JAKMIP2: variants seen among roughly 807,000 people sequenced by gnomAD.
The protein encoded by JAKMIP2 is janus kinase and microtubule interacting protein 2.
Under a neutral mutation model 115.0 loss-of-function variants are expected in JAKMIP2, and 25 were observed. The ratio of observed to expected loss-of-function variants is 0.22; its 90% CI spans 0.16 to 0.30. The LOEUF (loss-of-function observed/expected upper bound fraction) is 0.30, where lower values mean the gene tolerates loss of function less well. JAKMIP2 is among the 10% of genes least tolerant of loss of function. The pLI, the probability that JAKMIP2 is intolerant of heterozygous loss-of-function variation, is 1.00. For synonymous variants in JAKMIP2, 334 were observed against 343.6 expected (o/e 0.97, Z 0.31); for missense variants, 642 against 957.6 (o/e 0.67, Z 4.35).
At chr5:147,594,119 A>C (rs933243002) in intron 21 of JAKMIP2, among the ~76,000 whole-genome samples, 2 of 152,298 alleles carry the variant, frequency 1.3e-5, no homozygotes, top group South Asian at 2.1e-4. Flanking sequence ...TGGAATGTTA[A>C]GTTTCTATGA....
At chr5:147,763,465 ACT>A (rs1446575052) in intron 1 of JAKMIP2, among the ~76,000 whole-genome samples, 2 of 151,988 alleles carry the variant, frequency 1.3e-5, no homozygotes, top group African/African-American at 2.4e-5. Flanking sequence ...TTCATAAATA[ACT>A]CTGTTCTGCT....
At chr5:147,753,253 A>G (rs1244211086) in intron 1 of JAKMIP2, among the ~76,000 whole-genome samples, 1 of 152,258 alleles carries the variant, frequency 6.6e-6, no homozygotes, top group African/African-American at 2.4e-5. Flanking sequence ...TTACAATGGC[A>G]TCAGGAACTG....
In JAKMIP2 at chr5:147,650,451, C is replaced by T. The variant is rs1415478761; in HGVS notation, c.724G>A (p.Glu242Lys). Residue 242 changes from glutamate (E) to lysine (K), a missense_variant, in exon 4 of 22, where the codon GAG becomes AAG. By Grantham distance (56) the Glu-to-Lys change is moderately conservative (BLOSUM62 1). Around this residue, in one of 6 missense-constraint regions of JAKMIP2, gnomAD observed 439 missense variants for 570.9 expected, o/e 0.77. Coordinates refer to ENST00000616793, the MANE Select transcript of JAKMIP2 (RefSeq NM_001270941.2). ...AGAAAGAGTTGTTCGTCCAAAGCCTCCTTCTGAAGTTGGAGTTTCTGTACA... is the reference window on the plus strand; with the variant it reads ...AGAAAGAGTTGTTCGTCCAAAGCCTTCTTCTGAAGTTGGAGTTTCTGTACA... Reference protein sequence around the residue: ...GYVQKLQLQKEALDEQLFLVK... With the variant: ...GYVQKLQLQKKALDEQLFLVK... 6.2e-7 allele frequency: 1 copy of T among 1,613,870 alleles called. No homozygotes were observed. Among genetic ancestry groups the T allele is most frequent in the South Asian group, 1.1e-5 (1 of 91,076 alleles).
intron 1 of JAKMIP2, among the ~76,000 whole-genome samples, chr5:147,701,664 A>C (rs1182235337): frequency 6.6e-6 from 1 of 152,188 alleles, no homozygotes; most frequent in African/African-American, 2.4e-5. Flanking sequence ...TCCTTCACAC[A>C]GCACCAAATT....
At chr5:147,593,632 C>G (rs1490056177) in intron 21 of JAKMIP2, among the ~76,000 whole-genome samples, 2 of 152,078 alleles carry the variant, frequency 1.3e-5, no homozygotes, top group African/African-American at 4.8e-5. Flanking sequence ...TTTAAACTGG[C>G]TTAAGACTTT....
intron 21 of JAKMIP2, among the ~76,000 whole-genome samples, chr5:147,599,431 T>C (rs1027462098): frequency 6.6e-6 from 1 of 152,250 alleles, no homozygotes; most frequent in African/African-American, 2.4e-5. Context: ...TCAGCCATTT[T>C]ACTGCATATG....
At chr5:147,673,517 G>A (rs892296482) in intron 1 of JAKMIP2, among the ~76,000 whole-genome samples, 1 of 152,110 alleles carries the variant, frequency 6.6e-6, no homozygotes, top group African/African-American at 2.4e-5. Flanking sequence ...TGTCCCTGGG[G>A]GAAGGGGGCA....
At chr5:147,638,357 T>C (rs1349787171) in intron 10 of JAKMIP2, among the ~76,000 whole-genome samples, 2 of 152,100 alleles carry the variant, frequency 1.3e-5, no homozygotes, top group Non-Finnish European at 2.9e-5. Context: ...GTCTCCTTTT[T>C]TTGGAGGAAT....
chr5:147,687,399 C>T (rs1388387283), intron 1 of JAKMIP2, among the ~76,000 whole-genome samples: 7 of 152,106 alleles, frequency 4.6e-5, no homozygotes, highest in African/African-American at 1.7e-4. Flanking sequence ...GAGAAGCAAA[C>T]GAGGCACTAC....
At chr5:147,613,024 A>T (rs1171026469) in intron 19 of JAKMIP2, among the ~76,000 whole-genome samples, 1 of 152,226 alleles carries the variant, frequency 6.6e-6, no homozygotes, top group Non-Finnish European at 1.5e-5. Context: ...GAACTGGTAA[A>T]TTAGGAAAAC....
intron 1 of JAKMIP2, among the ~76,000 whole-genome samples, chr5:147,721,687 A>T (rs1393377877): frequency 6.6e-6 from 1 of 152,114 alleles, no homozygotes; most frequent in East Asian, 1.9e-4. Flanking sequence ...CAAGTGAGGC[A>T]ATGCCTCTCC....
intron 1 of JAKMIP2, among the ~76,000 whole-genome samples, chr5:147,738,283 A>G (rs1490087880): frequency 6.6e-6 from 1 of 152,188 alleles, no homozygotes; most frequent in African/African-American, 2.4e-5. Flanking sequence ...AGCCCCATAT[A>G]AACTCCACAT....
chr5:147,684,455 T>C (rs1193571945), intron 1 of JAKMIP2, among the ~76,000 whole-genome samples: 1 of 152,080 alleles, frequency 6.6e-6, no homozygotes, highest in African/African-American at 2.4e-5. Flanking sequence ...AATAAATAGA[T>C]GACTTCACCA....
intron 1 of JAKMIP2, among the ~76,000 whole-genome samples, chr5:147,693,656 TA>T (rs145331000): frequency 0.089 from 13,238 of 149,478 alleles, 675 homozygotes; most frequent in Middle Eastern, 0.17. Flanking sequence ...AATGTTACAA[TA>T]AAAAAAAAAT....
intron 1 of JAKMIP2, among the ~76,000 whole-genome samples, chr5:147,677,098 T>C (rs1031802609): frequency 2.0e-5 from 3 of 152,218 alleles, no homozygotes; most frequent in Admixed American, 2.0e-4. Context: ...TGTATGATCT[T>C]AAATCACTTA....
chr5:147,700,852 G>A (rs1752297887), intron 1 of JAKMIP2, among the ~76,000 whole-genome samples: 1 of 152,088 alleles, frequency 6.6e-6, no homozygotes, highest in Admixed American at 6.6e-5. Context: ...AACATATCTG[G>A]CTTTTTAAAT....
intron 20 of JAKMIP2, among the ~76,000 whole-genome samples, chr5:147,604,789 G>C (rs1316238091): frequency 6.9e-6 from 1 of 144,782 alleles, no homozygotes; most frequent in Non-Finnish European, 1.5e-5. Context: ...CTGGTGTCTT[G>C]GGCCAGACAT....
chr5:147,724,008 C>A (rs898222643), intron 1 of JAKMIP2, among the ~76,000 whole-genome samples: 1 of 152,148 alleles, frequency 6.6e-6, no homozygotes, highest in African/African-American at 2.4e-5. Context: ...TCAGAAGATG[C>A]TATTTATTAT....
chr5:147,642,284 T>G (rs1009698995), intron 7 of JAKMIP2, among the ~76,000 whole-genome samples: 1 of 152,124 alleles, frequency 6.6e-6, no homozygotes, highest in African/African-American at 2.4e-5. Flanking sequence ...TTGGAGCCAT[T>G]TAGTGTTTCT....
Sources: gnomAD v4.1 joint callset for allele counts (sites outside exome capture counted in the v4.1 genomes callset) on GRCh38, gnomAD v4.1.1 for gene constraint, gnomAD v4.1.1 regional missense constraint, MANE v1.5 for transcripts, NCBI Gene and HGNC (gene_info 2026-07-23, HGNC 2026-07-21) for gene names.